The following SLIT2 variants were observed in gnomAD, a reference collection of about 807,000 sequenced individuals.
SLIT2 encodes slit homolog 2 protein.
Under a neutral mutation model 185.7 loss-of-function variants are expected in SLIT2, and 41 were observed. That is an observed-to-expected ratio of 0.22 (90% CI 0.17 to 0.29). The LOEUF is 0.29. Among genes scored for constraint, SLIT2 ranks in the 10% least tolerant of loss-of-function variants. SLIT2 has a pLI of 1.00. For synonymous variants in SLIT2, 693 were observed against 680.2 expected (o/e 1.02, Z -0.29); for missense variants, 1,571 against 1,909.0 (o/e 0.82, Z 3.30).
At chr4:20,525,793 A>C (rs1374581139) in intron 15 of SLIT2, among the ~76,000 whole-genome samples, 1 of 152,160 alleles carries the variant, frequency 6.6e-6, no homozygotes, top group Non-Finnish European at 1.5e-5. Context: ...CTCCATAAAA[A>C]AGAATATTTA....
At chr4:20,529,294 C>T (rs188574848) in intron 16 of SLIT2, among the ~76,000 whole-genome samples, 195 bp downstream of exon 16, 100 of 152,216 alleles carry the variant, frequency 6.6e-4, no homozygotes, top group Non-Finnish European at 1.1e-3. Flanking sequence ...GCCAACCATA[C>T]GATTAAGTAC....
In SLIT2 at chr4:20,277,233, G is replaced by A. The variant is rs1165577252; in HGVS notation, c.395+8352G>A. Among the ~76,000 whole-genome samples the A allele has an allele frequency of 2.6e-5, 4 of 152,070 alleles. No homozygotes were observed. In the East Asian group the frequency reaches 7.7e-4, roughly 29 times the overall value. ...GGAAAAAAAACTTGTGAAATTCTTAGCAGCTTTTATTGTTGGTTTCCTGGG... is the reference window on the plus strand; with the variant it reads ...GGAAAAAAAACTTGTGAAATTCTTAACAGCTTTTATTGTTGGTTTCCTGGG... On this transcript the variant is annotated intron_variant, in intron 4 of 36. Transcript: ENST00000504154.
intron 26 of SLIT2, 49 bp downstream of exon 26, chr4:20,554,017 T>A (rs777692719): frequency 7.0e-7 from 1 of 1,430,472 alleles, no homozygotes; most frequent in Non-Finnish European, 9.4e-7. Context: ...CTATATTAAG[T>A]AAAAAAGAAA....
At chr4:20,470,174 T>C (rs1714829560) in intron 5 of SLIT2, among the ~76,000 whole-genome samples, 1 of 152,162 alleles carries the variant, frequency 6.6e-6, no homozygotes, top group South Asian at 2.1e-4. Flanking sequence ...GTATTTCATT[T>C]GCAAGTATTT....
chr4:20,407,505 G>A (rs1384906494), intron 4 of SLIT2, among the ~76,000 whole-genome samples: 1 of 152,108 alleles, frequency 6.6e-6, no homozygotes, highest in Non-Finnish European at 1.5e-5. Context: ...CCCTGGCCCT[G>A]CCATCTCTTC....
chr4:20,355,026 ATTGC>A (rs1176055130), intron 4 of SLIT2, among the ~76,000 whole-genome samples: 1 of 151,480 alleles, frequency 6.6e-6, no homozygotes, highest in Non-Finnish European at 1.5e-5. Flanking sequence ...TTTTTAAGTT[ATTGC>A]TTAAAATGAT....
At chr4:20,334,536 T>A (rs1043770446) in intron 4 of SLIT2, among the ~76,000 whole-genome samples, 2 of 152,176 alleles carry the variant, frequency 1.3e-5, no homozygotes, top group Non-Finnish European at 2.9e-5. Context: ...CCTTTTCTAA[T>A]TGGTATGAAC....
chr4:20,290,368 A>G (rs1457766204), intron 4 of SLIT2, among the ~76,000 whole-genome samples: 1 of 152,198 alleles, frequency 6.6e-6, no homozygotes, highest in Non-Finnish European at 1.5e-5. Context: ...CAAACCAAAA[A>G]CTATACAGTA....
intron 4 of SLIT2, among the ~76,000 whole-genome samples, chr4:20,392,644 G>A (rs545711254): frequency 1.7e-4 from 26 of 152,062 alleles, no homozygotes; most frequent in African/African-American, 6.0e-4. Flanking sequence ...TGTATAAAAT[G>A]TTTTTCTTTC....
chr4:20,471,171 A>G (rs2148750903), intron 5 of SLIT2, among the ~76,000 whole-genome samples: 1 of 152,338 alleles, frequency 6.6e-6, no homozygotes, highest in Non-Finnish European at 1.5e-5. Context: ...TCACAGCTGC[A>G]ATATTATAAA....
chr4:20,533,625 C>T lies in SLIT2; in HGVS notation c.1742C>T (p.Ala581Val), dbSNP rs1471403095. The T allele has an allele frequency of 6.2e-7, 1 of 1,609,838 alleles. No homozygotes were observed. The highest frequency in any genetic ancestry group is 8.5e-7 in the Non-Finnish European group (1 of 1,176,196). ...TDIEEGAFEG[A>V]SGVNEILLTS... ...ATTGAGGAGGGAGCATTTGAAGGAG[C>T]ATCTGGTGTAAATGAAATACTTCTT... is the stretch of plus-strand genomic sequence containing the variant. Residue 581 changes from alanine (A) to valine (V), a missense_variant, in exon 18 of 37, where the codon GCA (alanine) becomes GTA (valine). Physicochemically the swap from Ala to Val is moderately conservative, Grantham distance 64 (BLOSUM62 0). This residue lies in a region of SLIT2 where 1,202 missense variants were observed against 1,416.4 expected (regional missense o/e 0.85). Coordinates refer to ENST00000504154, the MANE Select transcript of SLIT2 (RefSeq NM_004787.4).
intron 4 of SLIT2, among the ~76,000 whole-genome samples, chr4:20,345,062 G>A (rs1721275722): frequency 6.6e-6 from 1 of 152,132 alleles, no homozygotes. Flanking sequence ...CATAAGTTAT[G>A]TGGATAGAAT....
intron 5 of SLIT2, among the ~76,000 whole-genome samples, chr4:20,470,476 A>G (rs1345053466): frequency 7.9e-6 from 1 of 125,970 alleles, no homozygotes; most frequent in Admixed American, 8.4e-5. Context: ...ACCATAGTGC[A>G]GTGGAGTCTG....
chr4:20,289,403 G>A (rs1367005180), intron 4 of SLIT2, among the ~76,000 whole-genome samples: 2 of 152,046 alleles, frequency 1.3e-5, no homozygotes, highest in African/African-American at 4.8e-5. Context: ...TGTTGCCATT[G>A]CTATTTTCTT....
intron 4 of SLIT2, among the ~76,000 whole-genome samples, chr4:20,413,272 A>C (rs1727394946): frequency 6.6e-6 from 1 of 151,950 alleles, no homozygotes; most frequent in African/African-American, 2.4e-5. Flanking sequence ...CATATTTGTG[A>C]ATTTCCCAAA....
intron 26 of SLIT2, among the ~76,000 whole-genome samples, chr4:20,561,067 A>G (rs1179263845): frequency 6.0e-4 from 91 of 152,016 alleles, no homozygotes; most frequent in Non-Finnish European, 1.8e-4. Flanking sequence ...TGTCAGGTCC[A>G]AGAGGCCAAC....
At chr4:20,280,667 G>C (rs1714660825) in intron 4 of SLIT2, among the ~76,000 whole-genome samples, 1 of 152,040 alleles carries the variant, frequency 6.6e-6, no homozygotes, top group East Asian at 1.9e-4. Context: ...ACTCTACACA[G>C]GCCCTGGAAT....
intron 4 of SLIT2, among the ~76,000 whole-genome samples, chr4:20,302,690 G>A (rs1301753889): frequency 2.0e-5 from 3 of 152,158 alleles, no homozygotes; most frequent in Non-Finnish European, 2.9e-5. Flanking sequence ...AAATGACTGT[G>A]CAATCCAGTG....
At chr4:20,390,214 C>A (rs1294803527) in intron 4 of SLIT2, among the ~76,000 whole-genome samples, 1 of 151,914 alleles carries the variant, frequency 6.6e-6, no homozygotes, top group Non-Finnish European at 1.5e-5. Flanking sequence ...CCTCACTATT[C>A]TAATTAAATG....
Sources: allele counts gnomAD v4.1 joint callset (sites outside exome capture counted in the v4.1 genomes callset), GRCh38; gene constraint gnomAD v4.1.1; regional missense constraint gnomAD v4.1.1; transcripts MANE v1.5; gene names NCBI Gene and HGNC (gene_info 2026-07-23, HGNC 2026-07-21).